The following ITPRID1 variants were observed in gnomAD, a reference collection of about 807,000 sequenced individuals.
ITPRID1 encodes the protein protein ITPRID1.
ITPRID1 carries 96 observed loss-of-function variants against 95.4 expected under a neutral mutation model. The observed-to-expected ratio is 1.01, with a 90% confidence interval of 0.85 to 1.19. The LOEUF (loss-of-function observed/expected upper bound fraction) is 1.19, where lower values mean the gene tolerates loss of function less well. ITPRID1 is among the 50% of genes most tolerant of loss of function. ITPRID1 has a pLI of 0.00. For synonymous variants in ITPRID1, 510 were observed against 453.6 expected (o/e 1.12, Z -1.58); for missense variants, 1,339 against 1,252.9 (o/e 1.07, Z -1.04).
chr7:31,538,378 C>T (rs1013224938), intron 1 of ITPRID1, among the ~76,000 whole-genome samples: 3 of 152,116 alleles, frequency 2.0e-5, no homozygotes, highest in Non-Finnish European at 4.4e-5. Context: ...CAGTTTTTTA[C>T]ATAATGATAG....
chr7:31,541,374 T>G (rs1783927189), intron 1 of ITPRID1, among the ~76,000 whole-genome samples: 1 of 152,170 alleles, frequency 6.6e-6, no homozygotes, highest in South Asian at 2.1e-4. Flanking sequence ...AAACCTGCAT[T>G]CAAGAGCACC....
intron 10 of ITPRID1, among the ~76,000 whole-genome samples, chr7:31,594,673 A>C (rs1163417524): frequency 6.6e-6 from 1 of 152,122 alleles, no homozygotes; most frequent in African/African-American, 2.4e-5. Flanking sequence ...CCTGGCCAAC[A>C]TGGTGAAACC....
At chr7:31,534,444 T>C (rs1408419832) in intron 1 of ITPRID1, among the ~76,000 whole-genome samples, 2 of 152,216 alleles carry the variant, frequency 1.3e-5, no homozygotes, top group Non-Finnish European at 2.9e-5. Flanking sequence ...CATTGGGAGC[T>C]GTTTTATTGT....
intron 10 of ITPRID1, among the ~76,000 whole-genome samples, chr7:31,593,334 C>T (rs932775140): frequency 6.6e-6 from 1 of 152,018 alleles, no homozygotes; most frequent in African/African-American, 2.4e-5. Flanking sequence ...AAAAACAAAA[C>T]AATCATGCAT....
chr7:31,641,284 G>A (rs747128060), intron 10 of ITPRID1, among the ~76,000 whole-genome samples: 2 of 152,102 alleles, frequency 1.3e-5, no homozygotes, highest in Non-Finnish European at 2.9e-5. Flanking sequence ...CTCAAGCATT[G>A]TATCTATGGA....
chr7:31,547,206 C>G (rs188158822), intron 1 of ITPRID1, among the ~76,000 whole-genome samples: 1 of 152,284 alleles, frequency 6.6e-6, no homozygotes, highest in African/African-American at 2.4e-5. Context: ...ACTGCGAGTT[C>G]TGGCTGATAT....
chr7:31,531,656 C>A (rs1037708463), intron 1 of ITPRID1, among the ~76,000 whole-genome samples: 1 of 152,182 alleles, frequency 6.6e-6, no homozygotes, highest in Non-Finnish European at 1.5e-5. Context: ...AGGAGGCCTA[C>A]AGGAAGCCCG....
chr7:31,630,314 C>G (rs1788883138), intron 10 of ITPRID1, among the ~76,000 whole-genome samples: 1 of 147,586 alleles, frequency 6.8e-6, no homozygotes, highest in Non-Finnish European at 1.5e-5. Flanking sequence ...GTGCCAGGAA[C>G]TATGCTAAGT....
intron 1 of ITPRID1, among the ~76,000 whole-genome samples, chr7:31,536,613 C>A (rs1184060582): frequency 1.3e-5 from 2 of 152,110 alleles, no homozygotes; most frequent in Non-Finnish European, 2.9e-5. Context: ...TGATCTTCAA[C>A]AGGAACATCC....
At chr7:31,606,444 C>T (rs1298255464) in intron 10 of ITPRID1, among the ~76,000 whole-genome samples, 1 of 106,280 alleles carries the variant, frequency 9.4e-6, no homozygotes, top group African/African-American at 3.5e-5. Context: ...AGTGAAGTGA[C>T]ACAGAAAAGA....
At chr7:31,633,165 G>A (rs38378) in intron 10 of ITPRID1, among the ~76,000 whole-genome samples, 36,651 of 151,894 alleles carry the variant, frequency 0.24, 5,560 homozygotes, top group Non-Finnish European at 0.33. Flanking sequence ...GATTACAGGC[G>A]TGAGCTACCG....
At chr7:31,580,122 AC>A (rs1785342012) in intron 9 of ITPRID1, among the ~76,000 whole-genome samples, 2 of 151,880 alleles carry the variant, frequency 1.3e-5, no homozygotes. Context: ...ACATGGTGAA[AC>A]CCTGTCTCTA....
Position 31,523,468 on chromosome 7 carries a change from A to G in ITPRID1, c.-98+9348A>G, listed in dbSNP as rs140181241. On this transcript the variant is annotated intron_variant, in intron 1 of 14. Transcript: ENST00000615280. ...GTGATTGGGTACTCAGAGATATCCAATAGTAATCCATGAGGGATTGATATA... is the reference window on the plus strand; with the variant it reads ...GTGATTGGGTACTCAGAGATATCCAGTAGTAATCCATGAGGGATTGATATA... 1.8e-3 allele frequency among the ~76,000 whole-genome samples: 269 copies of G among 152,376 alleles called. 4 individuals are homozygous for G. Among genetic ancestry groups the G allele is most frequent in the African/African-American group, 1.7e-3 (72 of 41,598 alleles).
rs151149178 is a variant in ITPRID1 at position 31,591,390 on chromosome 7, C to T, written c.1228+8199C>T. Among the ~76,000 whole-genome samples, 233 of 152,252 alleles carry T rather than the reference C, an allele frequency of 1.5e-3. 2 individuals are homozygous for T. The highest frequency in any genetic ancestry group is 5.2e-3 in the African/African-American group (216 of 41,556). On this transcript the variant is annotated intron_variant, in intron 10 of 14. Coordinates refer to ENST00000615280, the MANE Select transcript of ITPRID1 (RefSeq NM_001257967.3). ...AGACACACATATGCAGCCATAACAA[C>T]GTAAACACTCCTGATTGGCTTTCTG...
chr7:31,578,348 CAGA>C lies in ITPRID1; in HGVS notation c.1087_1089del (p.Lys363del). On this transcript the variant is annotated inframe_deletion, in exon 9 of 15. Coordinates refer to ENST00000615280, the MANE Select transcript of ITPRID1 (RefSeq NM_001257967.3). ...TGAGGGGTCAGTCAAGGGCAGAACT[CAGA>C]AGGAGAACTTATTTCAGACTAACAA... is the stretch of plus-strand genomic sequence containing the variant. 1 of 1,613,858 alleles carries C rather than the reference CAGA, an allele frequency of 6.2e-7. No individual in the cohort carries two copies. Among genetic ancestry groups the C allele is most frequent in the Non-Finnish European group, 8.5e-7 (1 of 1,179,826 alleles).
At chr7:31,616,778 AG>A (rs1220205556) in intron 10 of ITPRID1, among the ~76,000 whole-genome samples, 1 of 148,438 alleles carries the variant, frequency 6.7e-6, no homozygotes, top group Non-Finnish European at 1.5e-5. Flanking sequence ...AAAACCAAAA[AG>A]GTTTCTAAAT....
chr7:31,581,466 C>T (rs1041803096), intron 9 of ITPRID1, among the ~76,000 whole-genome samples: 2 of 151,988 alleles, frequency 1.3e-5, no homozygotes, highest in Non-Finnish European at 2.9e-5. Context: ...AGGTAGGATG[C>T]TTCTTCATAT....
chr7:31,555,322 A>C (rs1784412180), intron 5 of ITPRID1: 1 of 154,502 alleles, frequency 6.5e-6, no homozygotes, highest in African/African-American at 2.4e-5. Flanking sequence ...CTTGTTCTCA[A>C]GAAGAATAAA....
At chr7:31,532,892 A>G (rs1783643974) in intron 1 of ITPRID1, among the ~76,000 whole-genome samples, 1 of 152,104 alleles carries the variant, frequency 6.6e-6, no homozygotes, top group African/African-American at 2.4e-5. Flanking sequence ...TGGGTTATCC[A>G]TTTTACATAT....
Sources: allele counts gnomAD v4.1 joint callset (sites outside exome capture counted in the v4.1 genomes callset), GRCh38; gene constraint gnomAD v4.1.1; transcripts MANE v1.5; gene names NCBI Gene and HGNC (gene_info 2026-07-23, HGNC 2026-07-21).